Variants in GRIN2A observed in about 807,000 individuals in gnomAD.
GRIN2A encodes the protein glutamate receptor ionotropic, NMDA 2A.
A neutral mutation model predicts 113.4 loss-of-function variants in GRIN2A; 22 were observed. The observed-to-expected ratio is 0.19, with a 90% CI of 0.14 to 0.28. GRIN2A has a LOEUF of 0.28. Among genes scored for constraint, GRIN2A ranks in the 10% least tolerant of loss-of-function variants. GRIN2A has a pLI of 1.00. For missense variants in GRIN2A, 1,502 were observed against 1,887.0 expected (o/e 0.80, Z 3.78); for synonymous variants, 827 against 738.4 (o/e 1.12, Z -1.94).
intron 2 of GRIN2A, among the ~76,000 whole-genome samples, chr16:10,048,524 C>T (rs550498151): frequency 6.6e-6 from 1 of 152,230 alleles, no homozygotes; most frequent in African/African-American, 2.4e-5. Flanking sequence ...TGCCTGCAAA[C>T]TGCTTGGATT....
intron 2 of GRIN2A, among the ~76,000 whole-genome samples, chr16:10,062,025 G>A (rs2047558680): frequency 6.6e-6 from 1 of 152,128 alleles, no homozygotes; most frequent in South Asian, 2.1e-4. Context: ...CATTACATAG[G>A]GGAGGCAACT....
At chr16:10,112,211 G>A (rs1338881054) in intron 2 of GRIN2A, 6 of 597,558 alleles carry the variant, frequency 1.0e-5, no homozygotes, top group Non-Finnish European at 6.2e-6. Context: ...CCTCCCAAGG[G>A]AACTCGGTGT....
At position 10,180,720 on chromosome 16, in the gene GRIN2A, T is replaced by G; in HGVS notation, c.-18-291A>C. On this transcript the variant is annotated intron_variant, in intron 1 of 12. Coordinates refer to ENST00000330684, the MANE Select transcript of GRIN2A (RefSeq NM_001134407.3). The surrounding 1 kb of genome is among the most constrained non-coding windows in gnomAD (Gnocchi z 7.0). ...ACTTCCCCATCCCCATCTCTGTCCA[T>G]ATCCCCCACCGCATTCCCCAAGTTC... is the stretch of plus-strand genomic sequence containing the variant. The G allele has an allele frequency of 3.8e-6, 2 of 531,074 alleles. No individual in the cohort carries two copies. The highest frequency in any genetic ancestry group is 3.4e-6 in the Non-Finnish European group (1 of 294,498). 32.9% of individuals were successfully genotyped at this position (531,074 alleles called of 1,614,324 possible). A position where few individuals can be genotyped will look rare whatever the true frequency, so the allele number is the denominator to read the frequency against.
At chr16:9,943,348 GGT>G (rs1160363365) in intron 2 of GRIN2A, 1 of 152,198 alleles carries the variant, frequency 6.6e-6, no homozygotes, top group African/African-American at 2.4e-5. Flanking sequence ...GAGGCAGGAG[GGT>G]GTGGGATTCT....
intron 10 of GRIN2A, among the ~76,000 whole-genome samples, chr16:9,813,743 GA>G (rs746414243): frequency 2.0e-5 from 3 of 151,684 alleles, no homozygotes; most frequent in East Asian, 1.9e-4. Flanking sequence ...TTTTATTAAG[GA>G]AAAAACTTTC....
At chr16:10,034,344 G>C (rs112342785) in intron 2 of GRIN2A, among the ~76,000 whole-genome samples, 8 of 151,776 alleles carry the variant, frequency 5.3e-5, no homozygotes, top group African/African-American at 1.9e-4. Context: ...GGCCAATATG[G>C]TGAAACCCTA....
rs532718741 is a variant in GRIN2A, at chr16:9,761,061, A to G, written c.*2088T>C. The G allele has an allele frequency of 8.6e-6, 2 of 232,994 alleles. No homozygotes were observed. Among genetic ancestry groups the G allele is most frequent in the Middle Eastern group, 1.3e-3 (1 of 788 alleles). 14.4% of individuals were successfully genotyped at this position (232,994 alleles called of 1,614,324 possible). On this transcript the variant is annotated 3_prime_UTR_variant, in exon 13 of 13. Transcript: ENST00000330684. ...TCAAGCACATGCATCCCCAGCACCTAGTCAGCCCCTTCTGCCTTTCAAAAA... is the reference window on the plus strand; with the variant it reads ...TCAAGCACATGCATCCCCAGCACCTGGTCAGCCCCTTCTGCCTTTCAAAAA...
intron 3 of GRIN2A, among the ~76,000 whole-genome samples, chr16:9,926,633 T>C (rs1301260528): frequency 6.6e-6 from 1 of 152,126 alleles, no homozygotes; most frequent in African/African-American, 2.4e-5. Context: ...CACATAATGA[T>C]GATTATGATA....
At chr16:9,800,991 T>C (rs1223776182) in intron 10 of GRIN2A, among the ~76,000 whole-genome samples, 1 of 152,202 alleles carries the variant, frequency 6.6e-6, no homozygotes, top group Non-Finnish European at 1.5e-5. Flanking sequence ...AGTTCTAGTC[T>C]AGGCTAGGAT....
At chr16:9,811,460 A>G (rs952733605) in intron 10 of GRIN2A, among the ~76,000 whole-genome samples, 3 of 152,188 alleles carry the variant, frequency 2.0e-5, no homozygotes, top group Non-Finnish European at 4.4e-5. Context: ...GAGTTCAGCA[A>G]GCAATAACAA....
chr16:10,022,424 T>G (rs899016808), intron 2 of GRIN2A, among the ~76,000 whole-genome samples: 2 of 151,916 alleles, frequency 1.3e-5, no homozygotes, highest in Admixed American at 6.6e-5. Flanking sequence ...AATCTCTTCC[T>G]TCTGTCTAGA....
chr16:10,134,335 G>T (rs2049143571), intron 2 of GRIN2A, among the ~76,000 whole-genome samples: 1 of 152,092 alleles, frequency 6.6e-6, no homozygotes, highest in Non-Finnish European at 1.5e-5. Flanking sequence ...CCTTTCTCAT[G>T]AAGGGTAATA....
intron 2 of GRIN2A, among the ~76,000 whole-genome samples, chr16:10,119,870 T>C (rs2048800781): frequency 6.6e-6 from 1 of 152,204 alleles, no homozygotes. Flanking sequence ...TTGCTAAGGA[T>C]AATGGCCTCT....
rs369655584 is a variant in GRIN2A, at chr16:9,891,001, G to A, written c.1107C>T (p.Asp369=). The change falls in exon 4 of 13, where the codon GAC becomes GAT. Residue 369 remains aspartate, a synonymous_variant. Transcript: ENST00000330684. ...PRLVVIVLNK[D]REWEKVGKWE... is the part of the protein sequence containing the mutation. ...GGATGCTCACCTTTTCCCATTCCCGGTCTTTGTTCAGCACAATCACCACCA... is the reference window on the plus strand; with the variant it reads ...GGATGCTCACCTTTTCCCATTCCCGATCTTTGTTCAGCACAATCACCACCA... 1 of 1,607,694 alleles carries A rather than the reference G, an allele frequency of 6.2e-7. No individual in the cohort carries two copies. Among genetic ancestry groups the A allele is most frequent in the East Asian group, 2.2e-5 (1 of 44,846 alleles).
intron 5 of GRIN2A, among the ~76,000 whole-genome samples, chr16:9,844,445 G>A (rs998059248): frequency 3.3e-5 from 5 of 152,320 alleles, no homozygotes; most frequent in African/African-American, 7.2e-5. Flanking sequence ...GGGAACGTCT[G>A]TTGGTTCCTA....
intron 4 of GRIN2A, among the ~76,000 whole-genome samples, chr16:9,862,804 C>A (rs1201701921): frequency 6.6e-6 from 1 of 152,202 alleles, no homozygotes; most frequent in African/African-American, 2.4e-5. Context: ...AAAAAAGGAG[C>A]TCTTTCATAA....
At chr16:9,932,072 G>C (rs1172435579) in intron 3 of GRIN2A, among the ~76,000 whole-genome samples, 1 of 152,192 alleles carries the variant, frequency 6.6e-6, no homozygotes, top group Non-Finnish European at 1.5e-5. Context: ...TACTCCTCTT[G>C]TTAGGTGCTG....
chr16:9,826,537 C>A (rs900552874), intron 9 of GRIN2A, among the ~76,000 whole-genome samples: 2 of 151,650 alleles, frequency 1.3e-5, no homozygotes, highest in Non-Finnish European at 2.9e-5. Context: ...AACAAAAAAA[C>A]AAAAACAAAA....
At chr16:9,861,052 G>C (rs185307495) in intron 4 of GRIN2A, among the ~76,000 whole-genome samples, 419 of 152,284 alleles carry the variant, frequency 2.8e-3, no homozygotes, top group African/African-American at 8.5e-3. Flanking sequence ...AATCAGACAG[G>C]AAATTTATTA....
Sources: allele counts gnomAD v4.1 joint callset (sites outside exome capture counted in the v4.1 genomes callset), GRCh38; gene constraint gnomAD v4.1.1; non-coding constraint Gnocchi (gnomAD v3.1); transcripts MANE v1.5; gene names NCBI Gene and HGNC (gene_info 2026-07-23, HGNC 2026-07-21).